The following SDK1 variants were observed in gnomAD, a reference collection of about 807,000 sequenced individuals.
The protein encoded by SDK1 is sidekick cell adhesion molecule 1.
A neutral mutation model predicts 245.5 loss-of-function variants in SDK1; 157 were observed. The ratio of observed to expected loss-of-function variants is 0.64; its 90% CI spans 0.56 to 0.73. SDK1 has a LOEUF of 0.73. SDK1 is among the 30% of genes least tolerant of loss of function. The pLI is 0.00. For synonymous variants in SDK1, 1,647 were observed against 1,278.5 expected, an observed-to-expected ratio of 1.29 and a Z score of -6.15; for missense variants, 3,583 against 3,002.3, an observed-to-expected ratio of 1.19 and a Z score of -4.52.
At chr7:4,175,287 C>T (rs1284610078) in intron 33 of SDK1, among the ~76,000 whole-genome samples, 1 of 152,238 alleles carries the variant, frequency 6.6e-6, no homozygotes, top group Non-Finnish European at 1.5e-5. Context: ...AGACAGTTGG[C>T]ATCTCCCTGG....
At chr7:3,987,920 C>G (rs74363631) in intron 14 of SDK1, among the ~76,000 whole-genome samples, 5 of 152,080 alleles carry the variant, frequency 3.3e-5, no homozygotes, top group African/African-American at 1.2e-4. Flanking sequence ...TGCACCCACT[C>G]ACGCCTCTCC....
intron 1 of SDK1, among the ~76,000 whole-genome samples, chr7:3,464,654 A>G (rs1780935292): frequency 6.6e-6 from 1 of 151,936 alleles, no homozygotes; most frequent in African/African-American, 2.4e-5. Flanking sequence ...TGAAGCATGA[A>G]GCAAATATGT....
chr7:3,606,423 T>C lies in SDK1; in HGVS notation c.299-12657T>C, dbSNP rs111701076. On this transcript the variant is annotated intron_variant, in intron 1 of 44. Transcript: ENST00000404826. The stretch of plus-strand genomic sequence containing the variant: ...AGTGAGGTAGTGAAGTCAGAACTTA[T>C]CAAACTTTTGCTAAAATTTCCCCAT... Among the ~76,000 whole-genome samples the C allele has an allele frequency of 3.6e-3, 543 of 152,322 alleles. 3 individuals carry two copies. The highest frequency in any genetic ancestry group is 0.012 in the African/African-American group (497 of 41,574).
intron 40 of SDK1, among the ~76,000 whole-genome samples, chr7:4,227,652 T>C (rs1785520907): frequency 6.6e-6 from 1 of 152,238 alleles, no homozygotes; most frequent in Non-Finnish European, 1.5e-5. Flanking sequence ...GACGGTTTCA[T>C]TCAGCATGGA....
chr7:3,952,021 G>T, intron 7 of SDK1, 101 bp downstream of exon 7: 1 of 1,095,324 alleles, frequency 9.1e-7, no homozygotes, highest in Non-Finnish European at 1.3e-6. Context: ...GGCTTTATTT[G>T]TAACTCGGCA....
chr7:3,930,633 A>G (rs1302977004), intron 5 of SDK1, among the ~76,000 whole-genome samples: 2 of 152,124 alleles, frequency 1.3e-5, no homozygotes, highest in African/African-American at 2.4e-5. Context: ...AAAGGACAAA[A>G]TACAAAAAAA....
chr7:3,778,288 A>C (rs191013698), intron 4 of SDK1, among the ~76,000 whole-genome samples: 3,751 of 151,980 alleles, frequency 0.025, 64 homozygotes, highest in Middle Eastern at 0.054. Flanking sequence ...TTTCCTAAAG[A>C]AAATATCTCA....
At chr7:3,942,148 C>T (rs1021307862) in intron 5 of SDK1, among the ~76,000 whole-genome samples, 27 of 152,124 alleles carry the variant, frequency 1.8e-4, no homozygotes, top group Admixed American at 1.2e-3. Context: ...CCTCATGATC[C>T]GCCCACCCAA....
chr7:3,862,720 A>G (rs887083024), intron 5 of SDK1, among the ~76,000 whole-genome samples: 1 of 152,048 alleles, frequency 6.6e-6, no homozygotes, highest in Non-Finnish European at 1.5e-5. Context: ...CTAGTGGTTT[A>G]TTTGGGACCT....
chr7:3,764,515 G>A (rs980938809), intron 4 of SDK1, among the ~76,000 whole-genome samples: 1 of 151,972 alleles, frequency 6.6e-6, no homozygotes, highest in Non-Finnish European at 1.5e-5. Flanking sequence ...GTGAAATCCC[G>A]CCTCTACTAA....
chr7:3,699,562 T>TA (rs1045559922), intron 4 of SDK1, among the ~76,000 whole-genome samples: 25 of 151,602 alleles, frequency 1.6e-4, no homozygotes, highest in East Asian at 3.9e-4. Flanking sequence ...AACTTGAAGA[T>TA]AAAAAAAATA....
chr7:3,760,966 G>A (rs1405534784), intron 4 of SDK1, among the ~76,000 whole-genome samples: 1 of 152,170 alleles, frequency 6.6e-6, no homozygotes, highest in African/African-American at 2.4e-5. Flanking sequence ...GAATGTTTTG[G>A]TTGTTGGGAT....
At position 3,415,237 on chromosome 7, in the gene SDK1, A is replaced by C. The variant is rs138810086; in HGVS notation, c.298+113353A>C. 1.4e-3 allele frequency among the ~76,000 whole-genome samples: 218 copies of C among 152,332 alleles called. 1 individual carries two copies. Among genetic ancestry groups the C allele is most frequent in the African/African-American group, 5.1e-3 (210 of 41,578 alleles). On this transcript the variant is annotated intron_variant, in intron 1 of 44. Transcript: ENST00000404826. The stretch of plus-strand genomic sequence containing the variant: ...GAGGAAAAAGTGCATATGTTACAAA[A>C]AATATTTAAAATGAGGTTCATTCAT...
At chr7:3,532,191 C>T (rs1369982397) in intron 1 of SDK1, among the ~76,000 whole-genome samples, 3 of 152,314 alleles carry the variant, frequency 2.0e-5, no homozygotes, top group East Asian at 3.9e-4. Flanking sequence ...ACCTCCAGTA[C>T]CTCTTCTTTC....
chr7:3,922,782 A>G (rs1235111649), intron 5 of SDK1, among the ~76,000 whole-genome samples: 1 of 152,140 alleles, frequency 6.6e-6, no homozygotes, highest in Non-Finnish European at 1.5e-5. Context: ...ATTTTATTTG[A>G]AGATGCAAAT....
At chr7:3,726,735 T>G (rs1164134905) in intron 4 of SDK1, among the ~76,000 whole-genome samples, 2 of 152,220 alleles carry the variant, frequency 1.3e-5, no homozygotes, top group Non-Finnish European at 2.9e-5. Flanking sequence ...ACAGCAGATT[T>G]TGACAGTGTC....
intron 22 of SDK1, among the ~76,000 whole-genome samples, chr7:4,088,061 C>T (rs796224161): frequency 3.3e-4 from 51 of 152,244 alleles, no homozygotes; most frequent in African/African-American, 1.2e-3. Flanking sequence ...AACCCCGTGT[C>T]ACAGATGAGA....
intron 1 of SDK1, among the ~76,000 whole-genome samples, chr7:3,504,789 A>G (rs1243892483): frequency 6.6e-6 from 1 of 152,018 alleles, no homozygotes; most frequent in African/African-American, 2.4e-5. Flanking sequence ...GGAAAAAAAA[A>G]AAACCATACT....
intron 28 of SDK1, among the ~76,000 whole-genome samples, chr7:4,140,931 A>G (rs564004921): frequency 6.6e-6 from 1 of 152,304 alleles, no homozygotes; most frequent in African/African-American, 2.4e-5. Flanking sequence ...GTGAGACCCC[A>G]TCTCTATTTT....
Sources: gnomAD v4.1 joint callset for allele counts (sites outside exome capture counted in the v4.1 genomes callset) on GRCh38, gnomAD v4.1.1 for gene constraint, MANE v1.5 for transcripts, NCBI Gene and HGNC (gene_info 2026-07-23, HGNC 2026-07-21) for gene names.